PLCB1: variants seen among roughly 807,000 people sequenced by gnomAD.
PLCB1 encodes the protein phospholipase C beta 1, also known as 1-phosphatidylinositol 4,5-bisphosphate phosphodiesterase beta-1.
PLCB1 carries 46 observed loss-of-function variants against 161.8 expected under a neutral mutation model. The ratio of observed to expected loss-of-function variants is 0.28; its 90% CI spans 0.22 to 0.36. PLCB1 has a LOEUF of 0.36. Among genes scored for constraint, PLCB1 ranks in the 10% least tolerant of loss-of-function variants. The pLI, the probability that PLCB1 is intolerant of heterozygous loss-of-function variation, is 1.00. For missense variants in PLCB1, 1,016 were observed against 1,472.5 expected (o/e 0.69, Z 5.07); for synonymous variants, 517 against 503.7 (o/e 1.03, Z -0.35).
At chr20:8,535,222 AAAAAG>A (rs1409012845) in intron 3 of PLCB1, among the ~76,000 whole-genome samples, 4 of 149,662 alleles carry the variant, frequency 2.7e-5, no homozygotes, top group African/African-American at 9.7e-5. Flanking sequence ...AAAAAAAAAA[AAAAAG>A]GAAAGAAAAC....
At chr20:8,392,125 A>G (rs1450254307) in intron 3 of PLCB1, among the ~76,000 whole-genome samples, 1 of 151,882 alleles carries the variant, frequency 6.6e-6, no homozygotes, top group African/African-American at 2.4e-5. Flanking sequence ...CGCCGATGCA[A>G]TAGTATTTAA....
At chr20:8,316,121 T>C (rs1042899071) in intron 2 of PLCB1, among the ~76,000 whole-genome samples, 2 of 152,200 alleles carry the variant, frequency 1.3e-5, no homozygotes, top group African/African-American at 4.8e-5. Flanking sequence ...GCTCCTTCCA[T>C]GCAAAGACCC....
At chr20:8,545,683 A>T (rs1985511519) in intron 3 of PLCB1, among the ~76,000 whole-genome samples, 1 of 152,206 alleles carries the variant, frequency 6.6e-6, no homozygotes, top group Non-Finnish European at 1.5e-5. Context: ...AGTACCAAGG[A>T]TGACTCTCAA....
intron 2 of PLCB1, among the ~76,000 whole-genome samples, chr20:8,186,241 A>G (rs1009808156): frequency 1.1e-4 from 17 of 152,134 alleles, no homozygotes; most frequent in African/African-American, 3.4e-4. Context: ...GAATATACTC[A>G]GGGAAGTGTT....
At chr20:8,136,495 G>A (rs186018634) in intron 1 of PLCB1, among the ~76,000 whole-genome samples, 16 of 152,002 alleles carry the variant, frequency 1.1e-4, no homozygotes, top group Non-Finnish European at 1.5e-4. Context: ...GCGTGGTGGC[G>A]GGCGCCTGTA....
intron 3 of PLCB1, among the ~76,000 whole-genome samples, chr20:8,530,499 C>A (rs1464294825): frequency 6.6e-6 from 1 of 151,926 alleles, no homozygotes; most frequent in African/African-American, 2.4e-5. Flanking sequence ...AGGAGTATTC[C>A]TTGTAACTTT....
intron 3 of PLCB1, among the ~76,000 whole-genome samples, chr20:8,574,122 G>C (rs1289683816): frequency 6.6e-6 from 1 of 152,210 alleles, no homozygotes; most frequent in African/African-American, 2.4e-5. Context: ...GCTGTGGTTG[G>C]CCTGGCATAG....
chr20:8,245,211 AC>A (rs1980821044), intron 2 of PLCB1, among the ~76,000 whole-genome samples: 1 of 151,582 alleles, frequency 6.6e-6, no homozygotes, highest in South Asian at 2.1e-4. Flanking sequence ...TACCTCTTTT[AC>A]TTTACCTCTC....
intron 31 of PLCB1, among the ~76,000 whole-genome samples, chr20:8,816,518 C>G (rs1433497504): frequency 6.6e-6 from 1 of 152,188 alleles, no homozygotes; most frequent in Non-Finnish European, 1.5e-5. Flanking sequence ...TGAAGCCATA[C>G]TATCAAGCCA....
At chr20:8,411,385 C>T (rs1979036145) in intron 3 of PLCB1, among the ~76,000 whole-genome samples, 1 of 152,108 alleles carries the variant, frequency 6.6e-6, no homozygotes, top group Non-Finnish European at 1.5e-5. Flanking sequence ...AATGTGACTA[C>T]TGGAACATTT....
chr20:8,448,418 G>A (rs1294600196), intron 3 of PLCB1, among the ~76,000 whole-genome samples: 2 of 152,086 alleles, frequency 1.3e-5, no homozygotes, highest in Admixed American at 1.3e-4. Context: ...CCTTTGTATG[G>A]CAAAATTGCT....
intron 3 of PLCB1, among the ~76,000 whole-genome samples, chr20:8,536,846 A>G (rs1245413071): frequency 1.3e-5 from 2 of 152,220 alleles, no homozygotes; most frequent in Non-Finnish European, 2.9e-5. Flanking sequence ...ATGGGGGAAT[A>G]TCATACAGTG....
chr20:8,470,984 A>G (rs564675964), intron 3 of PLCB1, among the ~76,000 whole-genome samples: 2 of 152,306 alleles, frequency 1.3e-5, no homozygotes, highest in South Asian at 4.1e-4. Flanking sequence ...AAAAGAATTA[A>G]ATAGTGTGGA....
chr20:8,644,208 G>A (rs1288423266), intron 4 of PLCB1, among the ~76,000 whole-genome samples: 4 of 152,140 alleles, frequency 2.6e-5, no homozygotes, highest in East Asian at 1.9e-4. Context: ...GCCTCTGCCC[G>A]GCCACCACCC....
chr20:8,737,031 A>G lies in PLCB1; in HGVS notation c.2047A>G (p.Ile683Val). The change falls in exon 20 of 32, where the codon ATT becomes GTT. Residue 683 changes from isoleucine to valine, a missense_variant. By Grantham distance (29) the Ile-to-Val change is conservative. Coordinates refer to ENST00000338037, the MANE Select transcript of PLCB1 (RefSeq NM_015192.4). ...GATTGATTTATTGATTTTCTAGATT[A>G]TTTCAGGTCAGTTTCTTTCTGATAA... ...IVANTLSVKI[I>V]SGQFLSDKKV... 4.4e-6 allele frequency: 7 copies of G among 1,609,082 alleles called. No individual in the cohort carries two copies. Among genetic ancestry groups the G allele is most frequent in the Non-Finnish European group, 6.0e-6 (7 of 1,176,130 alleles).
intron 3 of PLCB1, among the ~76,000 whole-genome samples, chr20:8,373,131 G>A (rs564067460): frequency 3.9e-5 from 6 of 152,164 alleles, no homozygotes; most frequent in African/African-American, 7.2e-5. Flanking sequence ...AATGCTTCTC[G>A]TGAGGATGGA....
At position 8,231,502 on chromosome 20, in the gene PLCB1, C is replaced by A. The variant is rs1044243806; in HGVS notation, c.177+81131C>A. 2.6e-5 allele frequency among the ~76,000 whole-genome samples: 4 copies of A among 152,190 alleles called. No homozygotes were observed. The South Asian group carries it at 8.3e-4, about 31-fold the overall frequency. Reference sequence around the variant, plus strand: ...CTTGAGGTCTGTGAGACACTTCAAACCACAGCATGGTACATAGGTCCTGCA... The same window carrying A: ...CTTGAGGTCTGTGAGACACTTCAAAACACAGCATGGTACATAGGTCCTGCA... On this transcript the variant is annotated intron_variant, in intron 2 of 31. Transcript: ENST00000338037.
At chr20:8,150,614 G>A (rs2051499997) in intron 2 of PLCB1, among the ~76,000 whole-genome samples, 3 of 152,128 alleles carry the variant, frequency 2.0e-5, no homozygotes, top group African/African-American at 7.2e-5. Context: ...TTTATATTAT[G>A]TGTTAGGATA....
chr20:8,317,797 A>G (rs1984726973), intron 2 of PLCB1, among the ~76,000 whole-genome samples: 1 of 152,160 alleles, frequency 6.6e-6, no homozygotes, highest in African/African-American at 2.4e-5. Flanking sequence ...TATTCATTGT[A>G]GAAATAAAGA....
Sources: allele counts gnomAD v4.1 joint callset (sites outside exome capture counted in the v4.1 genomes callset), GRCh38; gene constraint gnomAD v4.1.1; transcripts MANE v1.5; gene names NCBI Gene and HGNC (gene_info 2026-07-23, HGNC 2026-07-21).